MBTPS2: variants seen among roughly 807,000 people sequenced by gnomAD.
MBTPS2 encodes the protein membrane bound transcription factor peptidase, site 2.
MBTPS2 carries 2 observed loss-of-function variants against 35.4 expected under a neutral mutation model. That is an observed-to-expected ratio of 0.06 (90% CI 0.02 to 0.18). The LOEUF is 0.18. Ranked by LOEUF, MBTPS2 falls within the 10% of genes least tolerant of loss-of-function variation. MBTPS2 has a pLI of 1.00. For synonymous variants in MBTPS2, 125 were observed against 140.4 expected, an observed-to-expected ratio of 0.89 and a Z score of 0.77; for missense variants, 244 against 386.5, an observed-to-expected ratio of 0.63 and a Z score of 3.09.
intron 5 of MBTPS2, among the ~76,000 whole-genome samples, chrX:21,862,933 CATATATATATATATATATATATAT>C (rs542223686): frequency 2.5e-4 from 7 of 27,675 alleles, no homozygotes; most frequent in Non-Finnish European, 4.3e-4. Flanking sequence ...TATATATAAA[CATATATATATATATATATATATAT>C]ATATATATAT....
At chrX:21,841,099 C>T (rs2092902098) in intron 1 of MBTPS2, among the ~76,000 whole-genome samples, 1 of 111,684 alleles carries the variant, frequency 9.0e-6, no homozygotes, top group African/African-American at 3.3e-5. Flanking sequence ...TCCCAGGTGA[C>T]TCCTCTGCAC....
Position 21,880,977 on chromosome X carries a change from C to T in MBTPS2, c.1337+5C>T. The T allele has an allele frequency of 8.6e-7, 1 of 1,169,513 alleles. No individual in the cohort carries two copies. Among genetic ancestry groups the T allele is most frequent in the Non-Finnish European group, 1.2e-6 (1 of 857,094 alleles). On this transcript the variant is annotated splice_donor_5th_base_variant and intron_variant, in intron 10 of 10. Transcript: ENST00000379484. ...GGTTGTGGAGACATTTGTCAAGTAT[C>T]CTTTCTGGTGTGAAACATGTTTTAA...
intron 5 of MBTPS2, among the ~76,000 whole-genome samples, chrX:21,862,917 AAC>A (rs1467164115): frequency 2.5e-3 from 121 of 49,233 alleles, no homozygotes; most frequent in Non-Finnish European, 3.7e-3. Context: ...TAAATATATA[AAC>A]ATATATATAT....
chrX:21,865,525 A>AAAAC (rs1462089571), intron 5 of MBTPS2, among the ~76,000 whole-genome samples: 1 of 112,519 alleles, frequency 8.9e-6, no homozygotes, highest in Non-Finnish European at 1.9e-5. Context: ...TTAAATATTG[A>AAAAC]AAACCCTGTT....
chrX:21,880,459 A>T (rs2092958188), intron 9 of MBTPS2, among the ~76,000 whole-genome samples: 2 of 111,404 alleles, frequency 1.8e-5, no homozygotes, highest in African/African-American at 6.5e-5. Flanking sequence ...GGATAGTTTT[A>T]AAATGTTTTG....
At position 21,862,927 on chromosome X, in the gene MBTPS2, TATAAAC is replaced by T. The variant is rs1266531291; in HGVS notation, c.671-5536_671-5531del. On this transcript the variant is annotated intron_variant, in intron 5 of 10. Transcript: ENST00000379484. ...ATATATAAATATATAAACATATATATATAAACATATATATATATATATATATATATA... is the reference window on the plus strand; with the variant it reads ...ATATATAAATATATAAACATATATATATATATATATATATATATATATATA... Among the ~76,000 whole-genome samples, 76 of 37,777 alleles carry T rather than the reference TATAAAC, an allele frequency of 2.0e-3. 1 individual carries two copies. The highest frequency in any genetic ancestry group is 0.016 in the Admixed American group (36 of 2,223). 32.8% of individuals were successfully genotyped at this position (37,777 alleles called of 115,157 possible). A position where few individuals can be genotyped will look rare whatever the true frequency, so the allele number is the denominator to read the frequency against.
At chrX:21,862,507 A>C (rs1045145438) in intron 5 of MBTPS2, among the ~76,000 whole-genome samples, 1 of 110,482 alleles carries the variant, frequency 9.1e-6, no homozygotes, top group Admixed American at 9.8e-5. Context: ...GGGGAAAAAA[A>C]GAGTTTAAAA....
intron 5 of MBTPS2, among the ~76,000 whole-genome samples, chrX:21,863,486 G>T: frequency 9.1e-6 from 1 of 109,804 alleles, no homozygotes; most frequent in Non-Finnish European, 1.9e-5. Context: ...GTTGAGAAAT[G>T]GTATTTGGGA....
intron 5 of MBTPS2, chrX:21,858,520 T>C (rs2092926823): frequency 8.2e-6 from 1 of 122,057 alleles, no homozygotes; most frequent in South Asian, 3.8e-4. Flanking sequence ...ATCTGGTGAG[T>C]GGAGGGAGAT....
At chrX:21,848,446 C>T (rs2092910936) in intron 3 of MBTPS2, among the ~76,000 whole-genome samples, 1 of 107,289 alleles carries the variant, frequency 9.3e-6, no homozygotes, top group Non-Finnish European at 1.9e-5. Flanking sequence ...GGGTGGATCA[C>T]GAGGTCAGGA....
At chrX:21,868,350 A>T in intron 5 of MBTPS2, 117 bp from the exon 6 acceptor site, 1 of 568,584 alleles carries the variant, frequency 1.8e-6, no homozygotes, top group Admixed American at 2.2e-5. Context: ...TTTTTGCCTC[A>T]TTGCTTCTTC....
rs2092907513 is a variant in MBTPS2, at chrX:21,845,347, C to T, written c.401C>T (p.Ser134Phe). Residue 134 changes from serine to phenylalanine, a missense_variant, in exon 3 of 11, where the codon TCT (serine) becomes TTT (phenylalanine). By Grantham distance (155) the Ser-to-Phe change is radical. Coordinates refer to ENST00000379484, the MANE Select transcript of MBTPS2 (RefSeq NM_015884.4). Reference protein sequence around the residue: ...SSSSSSSSSSSSSLHNEQVLQ... With the variant: ...SSSSSSSSSSFSSLHNEQVLQ... ...TCTTCCTCTTCTTCATCTTCTTCCT[C>T]TTCCTCGCTTCACAATGAACAGGTG... 1 of 1,203,276 alleles carries T rather than the reference C, an allele frequency of 8.3e-7. No individual in the cohort carries two copies. The highest frequency in any genetic ancestry group is 1.1e-6 in the Non-Finnish European group (1 of 888,458).
intron 7 of MBTPS2, among the ~76,000 whole-genome samples, chrX:21,873,999 G>GTATA (rs778982740): frequency 0.14 from 8,740 of 62,269 alleles, 620 homozygotes; most frequent in East Asian, 0.23. Flanking sequence ...GTGTGTGTGT[G>GTATA]TGTATATATA....
At chrX:21,849,873 AAAATT>A (rs2092912772) in intron 3 of MBTPS2, among the ~76,000 whole-genome samples, 1 of 107,012 alleles carries the variant, frequency 9.3e-6, no homozygotes, top group African/African-American at 3.4e-5. Flanking sequence ...AAAAAAAAAA[AAAATT>A]AGCCGGGCGT....
At position 21,867,724 on chromosome X, in the gene MBTPS2, C is replaced by T. The variant is rs370211618; in HGVS notation, c.671-743C>T. On this transcript the variant is annotated intron_variant, in intron 5 of 10. Transcript: ENST00000379484. ...CACGATCTCAGCTCACTGTAGTCTC[C>T]GCTTCCCGGGTTCAAGCAATTCTCC... Among the ~76,000 whole-genome samples the T allele has an allele frequency of 3.9e-4, 42 of 107,309 alleles. 2 individuals are homozygous for T. In the South Asian group the frequency reaches 5.9e-3, roughly 15 times the overall value. 93.2% of individuals were successfully genotyped at this position (107,309 alleles called of 115,157 possible). A position where few individuals can be genotyped will look rare whatever the true frequency, so the allele number is the denominator to read the frequency against.
At chrX:21,879,217 A>T (rs894115755) in intron 9 of MBTPS2, among the ~76,000 whole-genome samples, 3 of 112,013 alleles carry the variant, frequency 2.7e-5, no homozygotes, top group Non-Finnish European at 5.6e-5. Flanking sequence ...CAAGATTTTT[A>T]AAATAGTTTA....
At chrX:21,849,414 T>A (rs999193605) in intron 3 of MBTPS2, among the ~76,000 whole-genome samples, 1 of 111,815 alleles carries the variant, frequency 8.9e-6, no homozygotes, top group Non-Finnish European at 1.9e-5. Flanking sequence ...CGGGGAAAGT[T>A]CAGCTTTACA....
intron 7 of MBTPS2, among the ~76,000 whole-genome samples, chrX:21,876,489 C>T (rs755127900): frequency 2.7e-5 from 3 of 109,156 alleles, no homozygotes; most frequent in South Asian, 7.9e-4. Context: ...TCACTTGAAC[C>T]GGGAGGCAGA....
At chrX:21,849,101 G>A (rs749283595) in intron 3 of MBTPS2, among the ~76,000 whole-genome samples, 3 of 111,502 alleles carry the variant, frequency 2.7e-5, no homozygotes, top group Non-Finnish European at 3.8e-5. Flanking sequence ...TTACAATGAT[G>A]AACCGACGTG....
Sources: gnomAD v4.1 joint callset for allele counts (sites outside exome capture counted in the v4.1 genomes callset) on GRCh38, gnomAD v4.1.1 for gene constraint, MANE v1.5 for transcripts, NCBI Gene and HGNC (gene_info 2026-07-23, HGNC 2026-07-21) for gene names.